PSPC1: variants seen among roughly 807,000 people sequenced by gnomAD.
PSPC1 encodes the protein paraspeckle component 1.
In PSPC1, 14 loss-of-function variants were observed where a neutral mutation model predicts 51.6. The observed-to-expected ratio is 0.27, with a 90% CI of 0.18 to 0.42. The LOEUF is 0.42. Ranked by LOEUF, PSPC1 falls within the 10% of genes least tolerant of loss-of-function variation. The probability of loss-of-function intolerance (pLI) is 1.00; values close to 1 mark genes in which losing one functional copy is unlikely to be tolerated. For missense variants in PSPC1, 406 were observed against 701.1 expected, an observed-to-expected ratio of 0.58 and a Z score of 4.75; for synonymous variants, 193 against 231.9, an observed-to-expected ratio of 0.83 and a Z score of 1.53.
chr13:19,775,294 G>C (rs987323917), intron 1 of PSPC1, among the ~76,000 whole-genome samples: 3 of 152,148 alleles, frequency 2.0e-5, no homozygotes, highest in African/African-American at 4.8e-5. Flanking sequence ...AGAGGTTGCA[G>C]TGGGCTGAGA....
intron 1 of PSPC1, among the ~76,000 whole-genome samples, chr13:19,776,005 C>T (rs993264157): frequency 6.6e-6 from 1 of 151,564 alleles, no homozygotes; most frequent in African/African-American, 2.4e-5. Flanking sequence ...GAGCCGCGAT[C>T]GCACCACTGC....
chr13:19,722,396 A>C (rs1259021834), intron 6 of PSPC1, among the ~76,000 whole-genome samples: 1 of 152,108 alleles, frequency 6.6e-6, no homozygotes, highest in African/African-American at 2.4e-5. Context: ...ACTACATGGG[A>C]GGCTGAGGCA....
At chr13:19,757,689 C>G (rs1287708467) in intron 3 of PSPC1, among the ~76,000 whole-genome samples, 1 of 152,210 alleles carries the variant, frequency 6.6e-6, no homozygotes, top group Non-Finnish European at 1.5e-5. Context: ...TTTAAACTCA[C>G]AAAAACTCTG....
intron 7 of PSPC1, among the ~76,000 whole-genome samples, chr13:19,677,464 G>A (rs1181060072): frequency 6.6e-6 from 1 of 151,240 alleles, no homozygotes; most frequent in Non-Finnish European, 1.5e-5. Context: ...GAAAGAGGAG[G>A]GCAAGGCGAA....
chr13:19,751,058 C>T (rs776347773), intron 4 of PSPC1, among the ~76,000 whole-genome samples: 5 of 151,804 alleles, frequency 3.3e-5, no homozygotes, highest in Non-Finnish European at 5.9e-5. Flanking sequence ...CGTGAGCCAC[C>T]GCGCCCGTCA....
At chr13:19,672,001 G>A (rs960222548), downstream of PSPC1, 1 of 925,472 alleles carries the variant, frequency 1.1e-6, no homozygotes, top group African/African-American at 1.6e-5. Flanking sequence ...AGTTAAGCCT[G>A]TTGTCTGTTG....
chr13:19,728,353 T>C (rs562196832), intron 6 of PSPC1, among the ~76,000 whole-genome samples: 19 of 151,894 alleles, frequency 1.3e-4, no homozygotes, highest in Non-Finnish European at 2.2e-4. Context: ...CTTGGACAAG[T>C]TGAACACTTA....
intron 1 of PSPC1, among the ~76,000 whole-genome samples, chr13:19,773,295 G>GC (rs1290739073): frequency 2.0e-5 from 3 of 147,904 alleles, no homozygotes; most frequent in Non-Finnish European, 4.4e-5. Context: ...TGTCACCCGG[G>GC]CTAGAGTACA....
chr13:19,714,541 G>A (rs1881855560), intron 6 of PSPC1, among the ~76,000 whole-genome samples: 1 of 150,634 alleles, frequency 6.6e-6, no homozygotes, highest in Non-Finnish European at 1.5e-5. Context: ...TGTTGCCCAG[G>A]CTGGGGTGCA....
At chr13:19,766,661 T>G (rs1324274654) in intron 2 of PSPC1, among the ~76,000 whole-genome samples, 1 of 149,436 alleles carries the variant, frequency 6.7e-6, no homozygotes, top group Non-Finnish European at 1.5e-5. Flanking sequence ...TGGGTGAGAG[T>G]AAGACCTTAT....
At chr13:19,695,937 C>CT (rs1879170542) in intron 6 of PSPC1, among the ~76,000 whole-genome samples, 2 of 151,898 alleles carry the variant, frequency 1.3e-5, no homozygotes, top group African/African-American at 2.4e-5. Flanking sequence ...ATTAGGCTGC[C>CT]TGAGAATTCC....
chr13:19,694,122 C>CAA lies in PSPC1; in HGVS notation c.1159-16301_1159-16300dup, dbSNP rs71092389. Among the ~76,000 whole-genome samples, 76 of 47,474 alleles carry CAA rather than the reference C, an allele frequency of 1.6e-3. 6 individuals carry two copies. Among genetic ancestry groups the CAA allele is most frequent in the African/African-American group, 6.0e-3 (70 of 11,586 alleles). The allele number at this position is 47,474 out of a possible 152,430, so 31.1% of individuals were successfully genotyped here. On this transcript the variant is annotated intron_variant and NMD_transcript_variant, in intron 6 of 7. Coordinates refer to the PSPC1 transcript ENST00000471658. ...TGGGTGACAGAGCGAGACTCCATCT[C>CAA]AAAAAAAAAAAAAAAAAAAAAAAAA...
rs1260357418 is a variant in PSPC1 at position 19,730,361 on chromosome 13, T to C, written c.1053-17A>G. On this transcript the variant is annotated splice_polypyrimidine_tract_variant and intron_variant, in intron 5 of 8. Coordinates refer to ENST00000338910, the MANE Select transcript of PSPC1 (RefSeq NM_001354909.2). ...TCTTCATGTCTGAAAATTTTTCAAA[T>C]AAAAATTTCAGCATCATAACATGTG... is the stretch of plus-strand genomic sequence containing the variant. The C allele has an allele frequency of 1.2e-6, 2 of 1,610,404 alleles. No individual in the cohort carries two copies. Among genetic ancestry groups the C allele is most frequent in the South Asian group, 2.2e-5 (2 of 90,896 alleles).
At chr13:19,671,463 A>C (rs979866036), downstream of PSPC1, among the ~76,000 whole-genome samples, 3 of 151,702 alleles carry the variant, frequency 2.0e-5, no homozygotes, top group Non-Finnish European at 4.4e-5. Flanking sequence ...TGTTAGACAT[A>C]ATAATGCGGC....
chr13:19,775,238 G>A (rs1349773914), intron 1 of PSPC1, among the ~76,000 whole-genome samples: 1 of 152,156 alleles, frequency 6.6e-6, no homozygotes, highest in Non-Finnish European at 1.5e-5. Flanking sequence ...TGTAGTCCCA[G>A]CTACTCAGGA....
intron 5 of PSPC1, among the ~76,000 whole-genome samples, chr13:19,738,396 G>A (rs1885072741): frequency 1.3e-5 from 2 of 152,114 alleles, no homozygotes; most frequent in Non-Finnish European, 2.9e-5. Context: ...ATATGGTGTA[G>A]TATTCGCATA....
chr13:19,674,490 T>C (rs1313847379), downstream of PSPC1: 1 of 152,212 alleles, frequency 6.6e-6, no homozygotes, highest in Non-Finnish European at 1.5e-5. Context: ...TTGTATGCAT[T>C]ATACTGGGTA....
In PSPC1 at chr13:19,751,476, A is replaced by G. The variant is rs1886548598; in HGVS notation, c.771-9T>C. 8 of 1,487,926 alleles carry G rather than the reference A, an allele frequency of 5.4e-6. No homozygotes were observed. The African/African-American group carries it at 8.5e-5, about 16-fold the overall frequency. The allele number at this position is 1,487,926 out of a possible 1,614,324, so 92.2% of individuals were successfully genotyped here. ...GTGGTTGTTCTCTTTCCCTAAATTA[A>G]CATTAAAACATACAGAAATGTATGC... On this transcript the variant is annotated splice_polypyrimidine_tract_variant and intron_variant, in intron 3 of 8. Transcript: ENST00000338910.
chr13:19,683,405 GGA>G (rs1285800842), intron 6 of PSPC1, among the ~76,000 whole-genome samples: 6 of 151,948 alleles, frequency 3.9e-5, no homozygotes, highest in Non-Finnish European at 7.4e-5. Context: ...GGAAGAAGCC[GGA>G]GAGAAAAAAG....
Sources: gnomAD v4.1 joint callset for allele counts (sites outside exome capture counted in the v4.1 genomes callset) on GRCh38, gnomAD v4.1.1 for gene constraint, MANE v1.5 for transcripts, NCBI Gene and HGNC (gene_info 2026-07-23, HGNC 2026-07-21) for gene names.